Variants in TTN observed in about 807,000 individuals in gnomAD.
TTN encodes the protein titin.
Under a neutral mutation model 3,223.0 loss-of-function variants are expected in TTN, and 1,525 were observed. The ratio of observed to expected loss-of-function variants is 0.47; its 90% CI spans 0.45 to 0.49. TTN has a LOEUF of 0.49. TTN is among the 20% of genes least tolerant of loss of function. The pLI, the probability that TTN is intolerant of heterozygous loss-of-function variation, is 0.00. For synonymous variants in TTN, 14,094 were observed against 15,161.0 expected (o/e 0.93, Z 5.17); for missense variants, 40,786 against 43,424.0 (o/e 0.94, Z 5.40).
In TTN at chr2:178,574,990, C is replaced by T; in HGVS notation, c.71142G>A (p.Glu23714=). 6.2e-7 allele frequency: 1 copy of T among 1,613,288 alleles called. No individual in the cohort carries two copies. The highest frequency in any genetic ancestry group is 8.5e-7 in the Non-Finnish European group (1 of 1,179,592). The change falls in exon 326 of 363, where the codon GAG becomes GAA. Residue 23714 remains glutamate, a synonymous_variant. Coordinates refer to ENST00000589042, the MANE Select transcript of TTN (RefSeq NM_001267550.2). ...CTTGAATGGTGATGACATCACCAAC[C>T]TCTCCTACAATGTTCCTTGCTGTTA... ...YPLTARNIVG[E]VGDVITIQVH...
At chr2:178,736,188 T>C in intron 49 of TTN, 114 bp from the exon 50 acceptor site, 1 of 925,792 alleles carries the variant, frequency 1.1e-6, no homozygotes, top group South Asian at 2.1e-5. Context: ...ACATGAGCCA[T>C]AATTTAAAAT....
At position 178,718,372 on chromosome 2, in the gene TTN, A is replaced by G. The variant is rs1309374626; in HGVS notation, c.24734T>C (p.Ile8245Thr). The part of the protein sequence containing the change: ...IEDYAQYSCL[I>T]ENEAGQDICE... ...GATATCTTGACCAGCCTCATTTTCT[A>G]TCAGGCAGCTGTACTGTGCATAATC... The change falls in exon 85 of 363, where the codon ATA becomes ACA. Residue 8245 changes from isoleucine to threonine, a missense_variant. Physicochemically the swap from Ile to Thr is moderately conservative, Grantham distance 89. Coordinates refer to ENST00000589042, the MANE Select transcript of TTN (RefSeq NM_001267550.2). 6.2e-7 allele frequency: 1 copy of G among 1,613,770 alleles called. No homozygotes were observed. The highest frequency in any genetic ancestry group is 8.5e-7 in the Non-Finnish European group (1 of 1,179,732).
rs1352909761 is a variant in TTN, at chr2:178,649,535, C to T, written c.39973+19G>A. On this transcript the variant is annotated intron_variant, in intron 212 of 362. Transcript: ENST00000589042. The stretch of plus-strand genomic sequence containing the variant: ...TCAGAATACTTTCTTTTTTATGATG[C>T]CAACGATGAAGTGAATACCTTTAGC... The T allele has an allele frequency of 1.9e-6, 3 of 1,545,298 alleles. No homozygotes were observed. In the Admixed American group the frequency reaches 5.9e-5, roughly 31 times the overall value.
In TTN at chr2:178,727,849, G is replaced by A. The variant is rs1452977263; in HGVS notation, c.19729C>T (p.Leu6577=). 5 of 1,589,570 alleles carry A rather than the reference G, an allele frequency of 3.1e-6. No individual in the cohort carries two copies. Among genetic ancestry groups the A allele is most frequent in the Non-Finnish European group, 4.3e-6 (5 of 1,168,904 alleles). Residue 6577 remains leucine, a synonymous_variant, in exon 68 of 363, where the codon CTA becomes TTA. Transcript: ENST00000589042. ...ILTVKEPPSF[L]VKPGRQQAIP... is the part of the protein sequence containing the mutation. ...GCTTGCTGTCGCCCAGGTTTCACTA[G>A]GAAGCTTGGTGGTTCTATAGATTTT...
chr2:178,608,158 C>T lies in TTN; in HGVS notation c.52705+20G>A, dbSNP rs762486355. The T allele has an allele frequency of 7.5e-6, 12 of 1,600,450 alleles. No individual in the cohort carries two copies. Among genetic ancestry groups the T allele is most frequent in the South Asian group, 4.5e-5 (4 of 89,226 alleles). On this transcript the variant is annotated intron_variant, in intron 275 of 362. Transcript: ENST00000589042. ...ACAATAGCTTGTTCTACTCCACCTT[C>T]TTCTTAAGGAACTACTTACAGATTG...
chr2:178,560,030 G>A lies in TTN; in HGVS notation c.86102C>T (p.Ser28701Phe), dbSNP rs769512321. Residue 28701 changes from serine to phenylalanine, a missense_variant, in exon 326 of 363, where the codon TCC becomes TTC. Coordinates refer to ENST00000589042, the MANE Select transcript of TTN (RefSeq NM_001267550.2). ...TTCTGTCCCTCGTAAGCTCTGAATGGAAGTTTTCCAGTCAGTGTCATCAGA... is the reference window on the plus strand; with the variant it reads ...TTCTGTCCCTCGTAAGCTCTGAATGAAAGTTTTCCAGTCAGTGTCATCAGA... Reference protein sequence around the residue: ...KKSDDTDWKTSIQSLRGTEYT... With the variant: ...KKSDDTDWKTFIQSLRGTEYT... 6.2e-7 allele frequency: 1 copy of A among 1,613,586 alleles called. No homozygotes were observed. Among genetic ancestry groups the A allele is most frequent in the Non-Finnish European group, 8.5e-7 (1 of 1,179,812 alleles).
Position 178,532,391 on chromosome 2 carries a change from T to C in TTN, c.104224A>G (p.Ser34742Gly). ...HIPTKAEAST[S>G]YAELRERHAQ... ...TGCCGTTCCCTCAGTTCTGCATAAC[T>C]TGTACTAGCTTCAGCCTTCGTTGGG... is the stretch of plus-strand genomic sequence containing the variant. Residue 34742 changes from serine (S) to glycine (G), a missense_variant, in exon 358 of 363, where the codon AGT becomes GGT. By Grantham distance (56) the Ser-to-Gly change is moderately conservative. Coordinates refer to ENST00000589042, the MANE Select transcript of TTN (RefSeq NM_001267550.2). 1 of 1,614,004 alleles carries C rather than the reference T, an allele frequency of 6.2e-7. No homozygotes were observed. The highest frequency in any genetic ancestry group is 8.5e-7 in the Non-Finnish European group (1 of 1,179,866).
chr2:178,652,335 G>A lies in TTN; in HGVS notation c.39140C>T (p.Pro13047Leu). The change falls in exon 203 of 363, where the codon CCC becomes CTC. Residue 13047 changes from proline (P) to leucine (L), a missense_variant. Physicochemically the swap from Pro to Leu is moderately conservative, Grantham distance 98. Coordinates refer to ENST00000589042, the MANE Select transcript of TTN (RefSeq NM_001267550.2). ...EVTPVKVPEA[P>L]KEVVPEKKVP... ...TTTCTTTTCAGGAACAACTTCTTTG[G>A]GAGCCTCAGGCACTTGAAAGATAAT... 6.2e-7 allele frequency: 1 copy of A among 1,613,648 alleles called. No homozygotes were observed. The highest frequency in any genetic ancestry group is 1.1e-5 in the South Asian group (1 of 91,062).
At position 178,764,262 on chromosome 2, in the gene TTN, A is replaced by T. The variant is rs1467259441; in HGVS notation, c.10029T>A (p.Tyr3343Ter). 3 of 1,614,096 alleles carry T rather than the reference A, an allele frequency of 1.9e-6. No individual in the cohort carries two copies. In the South Asian group the frequency reaches 3.3e-5, roughly 18 times the overall value. Residue 3343 changes from tyrosine to a stop codon, truncating the protein, a stop_gained, in exon 43 of 363, where the codon TAT becomes TAA. Transcript: ENST00000589042. LOFTEE classifies it high-confidence loss of function. ...VVSPDQEMPV[Y>*]PPAIITPLQD... The stretch of plus-strand genomic sequence containing the variant: ...GAAGCGGGGTGATGATGGCAGGTGG[A>T]TAAACAGGCATTTCCTGATCAGGAG...
At chr2:178,730,856 T>A in intron 60 of TTN, 64 bp from the exon 61 acceptor site, 5 of 1,530,078 alleles carry the variant, frequency 3.3e-6, no homozygotes, top group Non-Finnish European at 3.5e-6. Context: ...TTTTGTTTTT[T>A]TTTTTAAATT....
At chr2:178,774,495 T>A in intron 29 of TTN, 22 bp from the exon 30 acceptor site, 1 of 1,608,194 alleles carries the variant, frequency 6.2e-7, no homozygotes, top group Non-Finnish European at 8.5e-7. Context: ...AACAGAAAGA[T>A]AAATCAATTT....
rs754144189 is a variant in TTN, at chr2:178,634,628, T to G, written c.42153A>C (p.Glu14051Asp). Residue 14051 changes from glutamate to aspartate, a missense_variant and splice_region_variant, in exon 230 of 363, where the codon GAA becomes GAC. By Grantham distance (45) the Glu-to-Asp change is conservative (BLOSUM62 2). Transcript: ENST00000589042. The surrounding 1 kb of genome is among the most constrained non-coding windows in gnomAD (Gnocchi z 4.6). ...GGGGCACAGCAAAGTCAAGTTCGAT[T>G]TCTGAAAATCAGACATTAAGAATGA... Reference protein sequence around the residue: ...AITTAILTVKEIELDFAVPLK... With the variant: ...AITTAILTVKDIELDFAVPLK... The G allele has an allele frequency of 8.1e-6, 13 of 1,612,896 alleles. No homozygotes were observed. The highest frequency in any genetic ancestry group is 1.7e-5 in the Admixed American group (1 of 59,856).
At position 178,569,435 on chromosome 2, in the gene TTN, A is replaced by G. The variant is rs1323717498; in HGVS notation, c.76697T>C (p.Leu25566Pro). 2 of 1,613,272 alleles carry G rather than the reference A, an allele frequency of 1.2e-6. No homozygotes were observed. Among genetic ancestry groups the G allele is most frequent in the East Asian group, 2.2e-5 (1 of 44,758 alleles). ...ATATCGGTTGACATTGTCAAGAACA[A>G]GAGAGGTGAAACTGCTAGTGACATC... ...IIDVTSSFTS[L>P]VLDNVNRYDS... is the part of the protein sequence containing the mutation. The change falls in exon 326 of 363, where the codon CTT (leucine) becomes CCT (proline). Residue 25566 changes from leucine (L) to proline (P), a missense_variant. Coordinates refer to ENST00000589042, the MANE Select transcript of TTN (RefSeq NM_001267550.2).
rs556790419 is a variant in TTN at position 178,564,850 on chromosome 2, A to T, written c.81282T>A (p.His27094Gln). Residue 27094 changes from histidine (H) to glutamine (Q), a missense_variant, in exon 326 of 363, where the codon CAT (histidine) becomes CAA (glutamine). Transcript: ENST00000589042. ...TGGTGCCTCCATCATTCACTGGCTC[A>T]TGCCATTGCACAAGCATCTGATCTT... ...ISKDQMLVQW[H>Q]EPVNDGGTKI... is the part of the protein sequence containing the mutation. 7 of 1,613,290 alleles carry T rather than the reference A, an allele frequency of 4.3e-6. No homozygotes were observed. In the South Asian group the frequency reaches 7.7e-5, roughly 18 times the overall value.
Position 178,777,443 on chromosome 2 carries a change from A to G in TTN, c.4622T>C (p.Ile1541Thr), listed in dbSNP as rs1293333289. The change falls in exon 26 of 363, where the codon ATT becomes ACT. Residue 1541 changes from isoleucine (I) to threonine (T), a missense_variant. Coordinates refer to ENST00000589042, the MANE Select transcript of TTN (RefSeq NM_001267550.2). ...ACCTTCCACAGTTAAAATCACTGAA[A>G]TTGAAGATCTGCCTGCCCTGTTTTG... is the stretch of plus-strand genomic sequence containing the variant. ...VAQNRAGRSS[I>T]SVILTVEAVE... 2 of 1,613,838 alleles carry G rather than the reference A, an allele frequency of 1.2e-6. No individual in the cohort carries two copies. Among genetic ancestry groups the G allele is most frequent in the African/African-American group, 2.7e-5 (2 of 75,036 alleles).
chr2:178,603,174 G>A (rs1045943228), intron 282 of TTN, among the ~76,000 whole-genome samples: 2 of 151,822 alleles, frequency 1.3e-5, no homozygotes, highest in South Asian at 4.2e-4. Context: ...CTTGCACAAA[G>A]CACATGTTCA....
Position 178,712,778 on chromosome 2 carries a change from T to C in TTN, c.27247A>G (p.Thr9083Ala). Reference sequence around the variant, plus strand: ...CAAGTATATTCTCCACTTTGTGATGTATCTACATCGAACAACTCCAGTTCA... The same window carrying C: ...CAAGTATATTCTCCACTTTGTGATGCATCTACATCGAACAACTCCAGTTCA... Reference protein sequence around the residue: ...VAELELFDVDTSQSGEYTCIV... With the variant: ...VAELELFDVDASQSGEYTCIV... Residue 9083 changes from threonine (T) to alanine (A), a missense_variant, in exon 94 of 363, where the codon ACA (threonine) becomes GCA (alanine). Thr to Ala is a moderately conservative substitution (Grantham distance 58). Transcript: ENST00000589042. The C allele has an allele frequency of 6.2e-7, 1 of 1,613,850 alleles. No individual in the cohort carries two copies. Among genetic ancestry groups the C allele is most frequent in the Non-Finnish European group, 8.5e-7 (1 of 1,179,788 alleles).
rs553400951 is a variant in TTN at position 178,596,830 on chromosome 2, C to T, written c.57544+708G>A. 4.9e-4 allele frequency among the ~76,000 whole-genome samples: 75 copies of T among 152,058 alleles called. 1 individual carries two copies. The Middle Eastern group carries it at 0.01, about 21-fold the overall frequency. On this transcript the variant is annotated intron_variant, in intron 294 of 362. Coordinates refer to ENST00000589042, the MANE Select transcript of TTN (RefSeq NM_001267550.2). ...GAAAGAGCCCTGAGTGGAAAGGCTT[C>T]GTGTTCTGAGCAAATCACTGGACTA... is the stretch of plus-strand genomic sequence containing the variant.
In TTN at chr2:178,582,557, T is replaced by C; in HGVS notation, c.65899A>G (p.Lys21967Glu). 3 of 1,611,712 alleles carry C rather than the reference T, an allele frequency of 1.9e-6. No individual in the cohort carries two copies. Among genetic ancestry groups the C allele is most frequent in the Non-Finnish European group, 2.5e-6 (3 of 1,178,562 alleles). ...PGPPASVKIN[K>E]MYSDRAMLSW... Reference sequence around the variant, plus strand: ...AGCATAGCACGATCTGAATACATTTTGTTGATTTTAACAGATGCTGGAGGA... The same window carrying C: ...AGCATAGCACGATCTGAATACATTTCGTTGATTTTAACAGATGCTGGAGGA... The change falls in exon 314 of 363, where the codon AAA (lysine) becomes GAA (glutamate). Residue 21967 changes from lysine (K) to glutamate (E), a missense_variant. Coordinates refer to ENST00000589042, the MANE Select transcript of TTN (RefSeq NM_001267550.2).
Sources: gnomAD v4.1 joint callset for allele counts (sites outside exome capture counted in the v4.1 genomes callset) on GRCh38, gnomAD v4.1.1 for gene constraint, Gnocchi (gnomAD v3.1) non-coding constraint, MANE v1.5 for transcripts, NCBI Gene and HGNC (gene_info 2026-07-23, HGNC 2026-07-21) for gene names.